The following ANKRD36C variants were observed in gnomAD, a reference collection of about 807,000 sequenced individuals.
ANKRD36C encodes ankyrin repeat domain-containing protein 36C.
Under a neutral mutation model 276.4 loss-of-function variants are expected in ANKRD36C, and 61 were observed. The observed-to-expected ratio is 0.22, with a 90% CI of 0.18 to 0.27. The LOEUF is 0.27. Among genes scored for constraint, ANKRD36C ranks in the 10% least tolerant of loss-of-function variants. The pLI is 1.00. For missense variants in ANKRD36C, 1,447 were observed against 2,032.3 expected (o/e 0.71, Z 5.54); for synonymous variants, 483 against 680.1 (o/e 0.71, Z 4.51).
At chr2:95,850,083 AG>A (rs1331921354), downstream of ANKRD36C, among the ~76,000 whole-genome samples, 1 of 152,296 alleles carries the variant, frequency 6.6e-6, no homozygotes, top group Non-Finnish European at 1.5e-5. Context: ...AAAGTTTATC[AG>A]TGTTAATAAG....
chr2:95,856,036 T>C (rs772679889), exon 63 of ANKRD36C: 2 of 1,609,624 alleles, frequency 1.2e-6, no homozygotes, highest in Non-Finnish European at 8.5e-7. Context: ...TCATGCTTTC[T>C]TTTCACAATT....
chr2:95,908,198 T>C (rs1232078263), intron 42 of ANKRD36C, among the ~76,000 whole-genome samples: 1 of 148,812 alleles, frequency 6.7e-6, no homozygotes, highest in Admixed American at 6.7e-5. Context: ...CTTCCACCCT[T>C]ACTGAAAACA....
At chr2:95,887,989 A>C (rs1474329044) in exon 50 of ANKRD36C, 1 of 1,600,220 alleles carries the variant, frequency 6.2e-7, no homozygotes, top group South Asian at 1.1e-5. Flanking sequence ...CTTTCTTGTC[A>C]CTTGTAGCCT....
intron 17 of ANKRD36C, among the ~76,000 whole-genome samples, chr2:95,946,356 A>T (rs1461287687): frequency 6.7e-6 from 1 of 148,224 alleles, no homozygotes; most frequent in African/African-American, 2.5e-5. Flanking sequence ...AACCACAATG[A>T]GATACCATCT....
At chr2:95,951,466 A>G in intron 14 of ANKRD36C, 58 bp from the exon 15 acceptor site, 1 of 1,271,660 alleles carries the variant, frequency 7.9e-7, no homozygotes, top group Non-Finnish European at 1.1e-6. Flanking sequence ...AATAAGGATA[A>G]TACCCACCAT....
In ANKRD36C at chr2:95,869,195, C is replaced by T. The variant is rs565449661; in HGVS notation, c.3541-1614G>A. 1.1e-4 allele frequency among the ~76,000 whole-genome samples: 17 copies of T among 152,246 alleles called. No homozygotes were observed. The East Asian group carries it at 2.7e-3, about 24-fold the overall frequency. On this transcript the variant is annotated intron_variant, in intron 59 of 66. Coordinates refer to ENST00000456556, the Ensembl canonical transcript of ANKRD36C. ...TATCAAACTTCTTAATCTATGTTTACCTACTCCCAAATCACTGGATTGTAA... is the reference window on the plus strand; with the variant it reads ...TATCAAACTTCTTAATCTATGTTTATCTACTCCCAAATCACTGGATTGTAA...
At chr2:95,925,300 G>A (rs1047758259) in intron 30 of ANKRD36C, 52 bp downstream of exon 30, 137 of 1,546,906 alleles carry the variant, frequency 8.9e-5, no homozygotes, top group Admixed American at 3.9e-4. Context: ...GGGGTGGGAC[G>A]TTCTCTTCTG....
At position 95,956,779 on chromosome 2, in the gene ANKRD36C, A is replaced by G; in HGVS notation, c.1136+7T>C. ...CATATCACTTTAAAAAATCTGTGAA[A>G]TCATACCTGTTTAAACACTGTTCAA... On this transcript the variant is annotated splice_region_variant and intron_variant, in intron 13 of 66. Coordinates refer to ENST00000456556, the Ensembl canonical transcript of ANKRD36C. 2 of 1,533,474 alleles carry G rather than the reference A, an allele frequency of 1.3e-6. No homozygotes were observed. The highest frequency in any genetic ancestry group is 1.7e-6 in the Non-Finnish European group (2 of 1,145,802). The allele number at this position is 1,533,474 out of a possible 1,614,324, so 95.0% of individuals were successfully genotyped here.
intron 59 of ANKRD36C, among the ~76,000 whole-genome samples, chr2:95,870,843 C>T (rs973165937): frequency 2.0e-5 from 3 of 152,028 alleles, no homozygotes; most frequent in Admixed American, 6.6e-5. Context: ...AGCTGAAAGC[C>T]GAGGCTCGAG....
exon 30 of ANKRD36C, chr2:95,925,377 T>C: frequency 6.3e-7 from 1 of 1,580,162 alleles, no homozygotes; most frequent in Non-Finnish European, 8.6e-7. Flanking sequence ...CACCGCCCGT[T>C]ATTCTTGTGG....
At chr2:95,920,741 A>G (rs1190214327) in intron 34 of ANKRD36C, among the ~76,000 whole-genome samples, 1 of 144,876 alleles carries the variant, frequency 6.9e-6, no homozygotes, top group East Asian at 2.1e-4. Flanking sequence ...GGAGTTAATT[A>G]GAATTCAACA....
intron 42 of ANKRD36C, among the ~76,000 whole-genome samples, chr2:95,903,489 C>T (rs1182432429): frequency 1.3e-5 from 2 of 151,382 alleles, no homozygotes; most frequent in East Asian, 2.0e-4. Context: ...CACCATTATA[C>T]TACAAACATT....
At chr2:95,931,106 G>C (rs1382258295) in intron 24 of ANKRD36C, among the ~76,000 whole-genome samples, 1 of 151,626 alleles carries the variant, frequency 6.6e-6, no homozygotes, top group South Asian at 2.1e-4. Flanking sequence ...CTCCACATTA[G>C]TTTCTTCATT....
intron 16 of ANKRD36C, 94 bp from the exon 17 acceptor site, chr2:95,948,690 C>T: frequency 1.0e-6 from 1 of 987,076 alleles, no homozygotes; most frequent in Non-Finnish European, 1.3e-6. Context: ...CCCTCCAAAA[C>T]AAATGGTAAA....
intron 6 of ANKRD36C, among the ~76,000 whole-genome samples, chr2:95,968,142 A>C (rs1251084377): frequency 6.6e-6 from 1 of 152,156 alleles, no homozygotes. Flanking sequence ...CCTTGTAGGA[A>C]AAAAAGTATA....
chr2:95,955,149 G>A (rs1678297947), intron 13 of ANKRD36C, among the ~76,000 whole-genome samples: 2 of 152,182 alleles, frequency 1.3e-5, no homozygotes, highest in South Asian at 4.1e-4. Context: ...CAGAAAAAAA[G>A]AGACATCCAC....
chr2:95,937,497 T>C (rs560254401), intron 22 of ANKRD36C, among the ~76,000 whole-genome samples: 8 of 152,266 alleles, frequency 5.3e-5, no homozygotes, highest in Non-Finnish European at 1.0e-4. Context: ...AAGCACAAAA[T>C]ACAGGAAAAC....
chr2:95,876,864 A>G (rs1675970325), intron 58 of ANKRD36C, among the ~76,000 whole-genome samples: 1 of 151,982 alleles, frequency 6.6e-6, no homozygotes, highest in Non-Finnish European at 1.5e-5. Context: ...AAAAAAAAAA[A>G]AAAAAAAAAA....
chr2:95,875,483 G>A (rs950812139), intron 59 of ANKRD36C, among the ~76,000 whole-genome samples: 1 of 135,390 alleles, frequency 7.4e-6, no homozygotes, highest in African/African-American at 2.8e-5. Context: ...TGAACAATGA[G>A]AACAGGTGGA....
Sources: allele counts gnomAD v4.1 joint callset (sites outside exome capture counted in the v4.1 genomes callset), GRCh38; gene constraint gnomAD v4.1.1; transcripts MANE v1.5; gene names NCBI Gene and HGNC (gene_info 2026-07-23, HGNC 2026-07-21).